The following HDAC9 variants were observed in gnomAD, a reference collection of about 807,000 sequenced individuals.
The protein encoded by HDAC9 is histone deacetylase 9, also known as MEF-2 interacting transcription repressor (MITR) protein.
Under a neutral mutation model 139.4 loss-of-function variants are expected in HDAC9, and 41 were observed. The ratio of observed to expected loss-of-function variants is 0.29; its 90% CI spans 0.23 to 0.38. The LOEUF (loss-of-function observed/expected upper bound fraction) is 0.38, where lower values mean the gene tolerates loss of function less well. Ranked by LOEUF, HDAC9 falls within the 10% of genes least tolerant of loss-of-function variation. The pLI is 1.00. For synonymous variants in HDAC9, 517 were observed against 476.2 expected (o/e 1.09, Z -1.12); for missense variants, 1,147 against 1,297.0 (o/e 0.88, Z 1.78).
chr7:18,725,463 A>C (rs886609678), intron 12 of HDAC9, among the ~76,000 whole-genome samples: 1 of 6,274 alleles, frequency 1.6e-4, no homozygotes, highest in Non-Finnish European at 2.7e-4. Context: ...GAGATTCTTC[A>C]AATTTGGGTT....
chr7:18,843,444 G>T (rs1020665452), intron 21 of HDAC9, among the ~76,000 whole-genome samples: 1 of 152,040 alleles, frequency 6.6e-6, no homozygotes, highest in Non-Finnish European at 1.5e-5. Context: ...TGGAATTGTC[G>T]TGTAGTTAAT....
intron 21 of HDAC9, among the ~76,000 whole-genome samples, chr7:18,863,298 C>A (rs937069974): frequency 6.6e-6 from 1 of 152,162 alleles, no homozygotes; most frequent in Admixed American, 6.5e-5. Flanking sequence ...TATTGAGTAT[C>A]CACCATGTGC....
At chr7:18,372,803 A>G (rs1248941138) in intron 1 of HDAC9, among the ~76,000 whole-genome samples, 2 of 152,168 alleles carry the variant, frequency 1.3e-5, no homozygotes. Context: ...CAGTGATGCC[A>G]TGGTAGTGAC....
chr7:18,586,826 C>T (rs192886355), intron 3 of HDAC9, among the ~76,000 whole-genome samples: 14 of 152,178 alleles, frequency 9.2e-5, no homozygotes, highest in Admixed American at 4.6e-4. Flanking sequence ...GAATCAGTAG[C>T]TCATGGCTAC....
At chr7:18,372,282 G>A (rs1199281194) in intron 1 of HDAC9, among the ~76,000 whole-genome samples, 2 of 152,256 alleles carry the variant, frequency 1.3e-5, no homozygotes, top group East Asian at 3.9e-4. Context: ...GAAATACATG[G>A]ACACTCATGA....
At chr7:18,546,444 C>T (rs1320788763) in intron 2 of HDAC9, among the ~76,000 whole-genome samples, 4 of 152,126 alleles carry the variant, frequency 2.6e-5, no homozygotes, top group African/African-American at 9.7e-5. Flanking sequence ...GACTAGTTAG[C>T]TGATGACAAG....
At chr7:18,974,685 C>T (rs1784447935) in intron 24 of HDAC9, among the ~76,000 whole-genome samples, 1 of 152,130 alleles carries the variant, frequency 6.6e-6, no homozygotes, top group African/African-American at 2.4e-5. Context: ...AGTATCCTCT[C>T]CTAATGTGAC....
intron 14 of HDAC9, among the ~76,000 whole-genome samples, chr7:18,752,599 G>A (rs1584975242): frequency 2.0e-5 from 3 of 152,212 alleles, no homozygotes; most frequent in African/African-American, 7.2e-5. Flanking sequence ...TTGAGTACCA[G>A]GCGGGATGTC....
chr7:18,954,778 A>G (rs10486330), intron 24 of HDAC9, among the ~76,000 whole-genome samples: 54,716 of 151,926 alleles, frequency 0.36, 10,875 homozygotes, highest in Non-Finnish European at 0.46. Flanking sequence ...ACAAACTAAC[A>G]TGAAGATTAG....
chr7:18,220,621 A>G (rs1054373608), intron 2 of HDAC9, among the ~76,000 whole-genome samples: 3 of 152,306 alleles, frequency 2.0e-5, no homozygotes, highest in South Asian at 2.1e-4. Flanking sequence ...CTGTGAATAA[A>G]TTGACCTAAC....
At chr7:18,714,556 T>C (rs10230491) in intron 12 of HDAC9, among the ~76,000 whole-genome samples, 1,697 of 152,358 alleles carry the variant, frequency 0.011, 28 homozygotes, top group African/African-American at 0.039. Flanking sequence ...CTGCACCTGC[T>C]CTGTGGCATT....
intron 2 of HDAC9, among the ~76,000 whole-genome samples, chr7:18,253,286 G>A (rs892205807): frequency 2.0e-5 from 3 of 152,124 alleles, no homozygotes; most frequent in African/African-American, 7.2e-5. Context: ...GGATTATTGG[G>A]TTGAATGGTA....
chr7:18,409,564 T>G (rs1443211715), intron 1 of HDAC9, among the ~76,000 whole-genome samples: 2 of 152,216 alleles, frequency 1.3e-5, no homozygotes, highest in African/African-American at 4.8e-5. Context: ...CAGAAATTGC[T>G]TCTACCACAT....
At chr7:18,183,404 A>G (rs993183333) in intron 2 of HDAC9, among the ~76,000 whole-genome samples, 1 of 152,238 alleles carries the variant, frequency 6.6e-6, no homozygotes, top group Non-Finnish European at 1.5e-5. Flanking sequence ...TTCAGATTCT[A>G]CATACATAAT....
rs76647592 is a variant in HDAC9, at chr7:18,130,058, C to T, written c.-96-32171C>T. Among the ~76,000 whole-genome samples the T allele has an allele frequency of 3.7e-4, 57 of 152,232 alleles. No individual in the cohort carries two copies. The East Asian group carries it at 0.01, about 28-fold the overall frequency. ...GATGAAGAGTGGATCAGACATGTTACATGGTACATACAGATGGAGTATCCC... is the reference window on the plus strand; with the variant it reads ...GATGAAGAGTGGATCAGACATGTTATATGGTACATACAGATGGAGTATCCC... On this transcript the variant is annotated intron_variant, in intron 1 of 12. Coordinates refer to the HDAC9 transcript ENST00000417496.
chr7:18,528,406 ATATATT>A (rs1807665963), intron 2 of HDAC9, among the ~76,000 whole-genome samples: 1 of 152,122 alleles, frequency 6.6e-6, no homozygotes, highest in African/African-American at 2.4e-5. Context: ...AGGTAAAATG[ATATATT>A]TATAAGCCCA....
At chr7:18,108,530 C>A (rs537039414) in intron 1 of HDAC9, among the ~76,000 whole-genome samples, 12 of 149,996 alleles carry the variant, frequency 8.0e-5, no homozygotes, top group African/African-American at 2.9e-4. Context: ...AACTTATTTT[C>A]TTTCTTTCAA....
chr7:18,730,851 G>A (rs1364005828), intron 13 of HDAC9, among the ~76,000 whole-genome samples: 2 of 152,086 alleles, frequency 1.3e-5, no homozygotes, highest in East Asian at 3.9e-4. Flanking sequence ...TTCAAAGGAA[G>A]CCCTTTAAGG....
intron 12 of HDAC9, among the ~76,000 whole-genome samples, chr7:18,718,421 C>T (rs936999915): frequency 6.6e-6 from 1 of 151,644 alleles, no homozygotes; most frequent in Non-Finnish European, 1.5e-5. Context: ...TTAGTAGAGA[C>T]GGGGTTTCAC....
Sources: gnomAD v4.1 joint callset for allele counts (sites outside exome capture counted in the v4.1 genomes callset) on GRCh38, gnomAD v4.1.1 for gene constraint, MANE v1.5 for transcripts, NCBI Gene and HGNC (gene_info 2026-07-23, HGNC 2026-07-21) for gene names.